VWA3B: variants seen among roughly 807,000 people sequenced by gnomAD.
VWA3B encodes von Willebrand factor A domain containing 3B.
A neutral mutation model predicts 158.3 loss-of-function variants in VWA3B; 138 were observed. That is an observed-to-expected ratio of 0.87 (90% CI 0.76 to 1.00). VWA3B has a LOEUF of 1.00. Among genes scored for constraint, VWA3B ranks in the 50% least tolerant of loss-of-function variants. The pLI is 0.00. For missense variants in VWA3B, 1,555 were observed against 1,565.1 expected (o/e 0.99, Z 0.11); for synonymous variants, 596 against 587.3 (o/e 1.01, Z -0.21).
downstream of VWA3B, among the ~76,000 whole-genome samples, chr2:98,314,807 G>C (rs1316523128): frequency 6.6e-6 from 1 of 152,114 alleles, no homozygotes; most frequent in African/African-American, 2.4e-5. Context: ...TGGATCACCT[G>C]AGCTCAGGAG....
In VWA3B at chr2:98,150,849, G is replaced by A. The variant is rs549257235; in HGVS notation, c.989-12002G>A. On this transcript the variant is annotated intron_variant, in intron 7 of 27. Coordinates refer to ENST00000477737, the MANE Select transcript of VWA3B (RefSeq NM_144992.5). The stretch of plus-strand genomic sequence containing the variant: ...CACTGACTCTCTGGAGGGTGAGGAA[G>A]GACTGACATATATCCTCCCTGGTTC... Among the ~76,000 whole-genome samples, 3 of 152,284 alleles carry A rather than the reference G, an allele frequency of 2.0e-5. No homozygotes were observed. In the South Asian group the frequency reaches 6.2e-4, roughly 32 times the overall value.
At chr2:98,177,160 G>A (rs1186501987) in intron 8 of VWA3B, among the ~76,000 whole-genome samples, 9 of 152,182 alleles carry the variant, frequency 5.9e-5, no homozygotes, top group Non-Finnish European at 1.2e-4. Context: ...TGTGGCCCTG[G>A]CTATAGCAGG....
chr2:98,190,041 A>G (rs187232435), intron 10 of VWA3B, among the ~76,000 whole-genome samples: 1 of 152,282 alleles, frequency 6.6e-6, no homozygotes, highest in Admixed American at 6.5e-5. Flanking sequence ...TGTTAAAATC[A>G]TTTACATTTA....
Position 98,121,325 on chromosome 2 carries a change from A to G in VWA3B, c.569A>G (p.Gln190Arg), listed in dbSNP as rs774261790. ...IRVSQEPVKW[Q>R]ENATPVTEQS... ...GTTTCTCAAGAGCCTGTGAAGTGGC[A>G]GGAAAATGCTACTCCTGTGACCGAA... The change falls in exon 5 of 28, where the codon CAG becomes CGG. Residue 190 changes from glutamine to arginine, a missense_variant. By Grantham distance (43) the Gln-to-Arg change is conservative. Transcript: ENST00000477737. 1 of 1,613,944 alleles carries G rather than the reference A, an allele frequency of 6.2e-7. No individual in the cohort carries two copies. Among genetic ancestry groups the G allele is most frequent in the Non-Finnish European group, 8.5e-7 (1 of 1,179,772 alleles).
chr2:98,188,864 T>A (rs1472818235), intron 10 of VWA3B, among the ~76,000 whole-genome samples: 1 of 152,204 alleles, frequency 6.6e-6, no homozygotes, highest in Non-Finnish European at 1.5e-5. Context: ...TGCAGTTTAT[T>A]GAAAACAGCA....
chr2:98,188,881 C>T (rs906471517), intron 10 of VWA3B, among the ~76,000 whole-genome samples: 1 of 152,154 alleles, frequency 6.6e-6, no homozygotes, highest in Non-Finnish European at 1.5e-5. Flanking sequence ...AGCAAGCCAA[C>T]GTGTGGCTAT....
rs113243764 is a variant in VWA3B, at chr2:98,207,529, C to T, written c.1738-4401C>T. The T allele has an allele frequency of 1.3e-3, 665 of 519,920 alleles. 2 individuals are homozygous for T. The highest frequency in any genetic ancestry group is 0.011 in the African/African-American group (576 of 51,896). 32.2% of individuals were successfully genotyped at this position (519,920 alleles called of 1,614,324 possible). A position where few individuals can be genotyped will look rare whatever the true frequency, so the allele number is the denominator to read the frequency against. On this transcript the variant is annotated intron_variant, in intron 12 of 27. Transcript: ENST00000477737. ...TGTGTCTTGAATGTGGATAATACAACGTTTCTTGTCTCAGCCATTCCAGGC... is the reference window on the plus strand; with the variant it reads ...TGTGTCTTGAATGTGGATAATACAATGTTTCTTGTCTCAGCCATTCCAGGC...
At chr2:98,241,988 C>A (rs190264907) in intron 19 of VWA3B, among the ~76,000 whole-genome samples, 1 of 152,266 alleles carries the variant, frequency 6.6e-6, no homozygotes, top group Admixed American at 6.5e-5. Flanking sequence ...TCAAATATCT[C>A]CCACCTCATG....
At position 98,157,605 on chromosome 2, in the gene VWA3B, C is replaced by A. The variant is rs1255699653; in HGVS notation, c.989-5246C>A. On this transcript the variant is annotated intron_variant, in intron 7 of 27. Coordinates refer to ENST00000477737, the MANE Select transcript of VWA3B (RefSeq NM_144992.5). ...TGTATTATATTTTTTAATGTTATAT[C>A]GCTTTCTGAAAATAGAAGTATGTGC... 2.6e-5 allele frequency among the ~76,000 whole-genome samples: 4 copies of A among 152,160 alleles called. No homozygotes were observed. The East Asian group carries it at 7.7e-4, about 29-fold the overall frequency.
At chr2:98,286,547 A>G (rs1260461158) in intron 22 of VWA3B, among the ~76,000 whole-genome samples, 1 of 152,114 alleles carries the variant, frequency 6.6e-6, no homozygotes, top group African/African-American at 2.4e-5. Flanking sequence ...TATCCTATTA[A>G]TATGGTATAT....
chr2:98,272,940 A>G (rs1254341047), intron 22 of VWA3B, among the ~76,000 whole-genome samples: 4 of 152,112 alleles, frequency 2.6e-5, no homozygotes, highest in Non-Finnish European at 4.4e-5. Context: ...TTGCCAGGTT[A>G]TGGGCAGCAA....
intron 2 of VWA3B, among the ~76,000 whole-genome samples, chr2:98,108,998 T>C (rs1306196969): frequency 4.0e-5 from 6 of 150,240 alleles, no homozygotes; most frequent in Non-Finnish European, 3.0e-5. Flanking sequence ...TCTTTTCTTT[T>C]TTTTTTTTTT....
intron 22 of VWA3B, among the ~76,000 whole-genome samples, chr2:98,274,111 C>T (rs1369569454): frequency 6.6e-6 from 1 of 152,178 alleles, no homozygotes; most frequent in East Asian, 1.9e-4. Context: ...TAGCCTCTCT[C>T]ATTCTTTTCT....
intron 19 of VWA3B, among the ~76,000 whole-genome samples, chr2:98,240,417 C>T (rs1686002256): frequency 1.3e-5 from 2 of 152,166 alleles, no homozygotes; most frequent in East Asian, 1.9e-4. Flanking sequence ...TATCTTTGCA[C>T]GTAGATTTTT....
chr2:98,248,055 A>G (rs1452478493), intron 19 of VWA3B, among the ~76,000 whole-genome samples: 1 of 151,924 alleles, frequency 6.6e-6, no homozygotes, highest in Non-Finnish European at 1.5e-5. Flanking sequence ...TTCTATTAAG[A>G]TTATTTTTTG....
rs1685568339 is a variant in VWA3B, at chr2:98,234,784, C to G, written c.2428+17C>G. The G allele has an allele frequency of 6.2e-7, 1 of 1,613,954 alleles. No individual in the cohort carries two copies. The highest frequency in any genetic ancestry group is 1.3e-5 in the African/African-American group (1 of 74,938). On this transcript the variant is annotated intron_variant, in intron 17 of 27. Transcript: ENST00000477737. ...GTGACAAAGGCAAGCCAGAAAGCAT[C>G]TCTGTGGCCAACCAGCCTCCCTTTC...
At chr2:98,273,356 A>G (rs1242844380) in intron 22 of VWA3B, among the ~76,000 whole-genome samples, 1 of 152,188 alleles carries the variant, frequency 6.6e-6, no homozygotes, top group Admixed American at 6.5e-5. Context: ...GTCAAAAGCT[A>G]TGTCTTTTGT....
In VWA3B at chr2:98,234,716, A is replaced by G. The variant is rs1364440565; in HGVS notation, c.2377A>G (p.Lys793Glu). 6.2e-7 allele frequency: 1 copy of G among 1,614,198 alleles called. No individual in the cohort carries two copies. Reference sequence around the variant, plus strand: ...CAGGAGCTCAGCTTGCAGTGAAAGGAAGGATGGCCTCTCCAATGCCAGCAG... The same window carrying G: ...CAGGAGCTCAGCTTGCAGTGAAAGGGAGGATGGCCTCTCCAATGCCAGCAG... The part of the protein sequence containing the change: ...SLRSSACSER[K>E]DGLSNASSRR... Residue 793 changes from lysine to glutamate, a missense_variant, in exon 17 of 28, where the codon AAG becomes GAG. Physicochemically the swap from Lys to Glu is moderately conservative, Grantham distance 56. Transcript: ENST00000477737.
intron 7 of VWA3B, among the ~76,000 whole-genome samples, chr2:98,148,660 T>C (rs1677364377): frequency 6.6e-6 from 1 of 152,256 alleles, no homozygotes; most frequent in African/African-American, 2.4e-5. Context: ...TTTTGAAGTA[T>C]GGTGTGATGT....
Sources: gnomAD v4.1 joint callset for allele counts (sites outside exome capture counted in the v4.1 genomes callset) on GRCh38, gnomAD v4.1.1 for gene constraint, MANE v1.5 for transcripts, NCBI Gene and HGNC (gene_info 2026-07-23, HGNC 2026-07-21) for gene names.